The following BOD1L1 variants were observed in gnomAD, a reference collection of about 807,000 sequenced individuals.
BOD1L1 encodes the protein biorientation of chromosomes in cell division 1 like 1.
Under a neutral mutation model 240.7 loss-of-function variants are expected in BOD1L1, and 86 were observed. The ratio of observed to expected loss-of-function variants is 0.36; its 90% confidence interval spans 0.30 to 0.43. BOD1L1 has a LOEUF of 0.43. Ranked by LOEUF, BOD1L1 falls within the 20% of genes least tolerant of loss-of-function variation. The pLI is 1.00. For synonymous variants in BOD1L1, 1,268 were observed against 1,272.3 expected (o/e 1.00, Z 0.07); for missense variants, 3,554 against 3,643.5 (o/e 0.98, Z 0.63).
chr4:13,625,460 G>C (rs1717320401), intron 1 of BOD1L1: 1 of 152,110 alleles, frequency 6.6e-6, no homozygotes. Context: ...GAAGGGTCTG[G>C]CAGGGATATT....
intron 1 of BOD1L1, chr4:13,625,821 T>G (rs1215674761): frequency 1.3e-5 from 2 of 152,152 alleles, no homozygotes; most frequent in Non-Finnish European, 2.9e-5. Context: ...CACTCCCAAG[T>G]GAATTGAATT....
chr4:13,616,167 C>A (rs1476385362), intron 2 of BOD1L1, among the ~76,000 whole-genome samples: 1 of 152,144 alleles, frequency 6.6e-6, no homozygotes, highest in African/African-American at 2.4e-5. Context: ...TACAAATTGA[C>A]CTGGTCCCTG....
In BOD1L1 at chr4:13,602,637, A is replaced by T; in HGVS notation, c.4263T>A (p.Asn1421Lys). 1 of 1,614,006 alleles carries T rather than the reference A, an allele frequency of 6.2e-7. No homozygotes were observed. The highest frequency in any genetic ancestry group is 1.3e-5 in the African/African-American group (1 of 75,038). ...KKENDLNAEP[N>K]LKQTIKATVE... ...CTGTTGCTTTAATTGTCTGCTTTAA[A>T]TTGGGCTCTGCATTTAAGTCATTTT... The change falls in exon 10 of 26, where the codon AAT (asparagine) becomes AAA (lysine). Residue 1421 changes from asparagine to lysine, a missense_variant. Transcript: ENST00000040738.
At position 13,602,717 on chromosome 4, in the gene BOD1L1, C is replaced by T; in HGVS notation, c.4183G>A (p.Val1395Met). The T allele has an allele frequency of 6.2e-7, 1 of 1,614,030 alleles. No individual in the cohort carries two copies. Among genetic ancestry groups the T allele is most frequent in the Non-Finnish European group, 8.5e-7 (1 of 1,179,886 alleles). Reference protein sequence around the residue: ...PLGSKLTGVIVENENITKEGG... With the variant: ...PLGSKLTGVIMENENITKEGG... ...TCTTTGGTAATATTCTCATTTTCCA[C>T]AATCACGCCCGTTAACTTACTTCCA... Residue 1395 changes from valine (V) to methionine (M), a missense_variant, in exon 10 of 26, where the codon GTG becomes ATG. Coordinates refer to ENST00000040738, the MANE Select transcript of BOD1L1 (RefSeq NM_148894.3).
Position 13,602,998 on chromosome 4 carries a change from A to G in BOD1L1, c.3902T>C (p.Ile1301Thr). 8 of 1,614,024 alleles carry G rather than the reference A, an allele frequency of 5.0e-6. No homozygotes were observed. Among genetic ancestry groups the G allele is most frequent in the Non-Finnish European group, 6.8e-6 (8 of 1,179,884 alleles). ...PLRESYDPDV[I>T]PLFDKRTVLE... ...AACAGTTCTTTTGTCAAACAGAGGA[A>G]TTACATCTGGATCATACGATTCCCT... The change falls in exon 10 of 26, where the codon ATT becomes ACT. Residue 1301 changes from isoleucine (I) to threonine (T), a missense_variant. Coordinates refer to ENST00000040738, the MANE Select transcript of BOD1L1 (RefSeq NM_148894.3).
rs1380041228 is a variant in BOD1L1, at chr4:13,613,427, ACT to A, written c.1324+83_1324+84del. The A allele has an allele frequency of 7.8e-7, 1 of 1,281,162 alleles. No homozygotes were observed. Among genetic ancestry groups the A allele is most frequent in the East Asian group, 2.4e-5 (1 of 41,784 alleles). 79.4% of individuals were successfully genotyped at this position (1,281,162 alleles called of 1,614,324 possible). A position where few individuals can be genotyped will look rare whatever the true frequency, so the allele number is the denominator to read the frequency against. On this transcript the variant is annotated intron_variant, in intron 5 of 25. Coordinates refer to ENST00000040738, the MANE Select transcript of BOD1L1 (RefSeq NM_148894.3). The surrounding 1 kb of genome is among the most constrained non-coding windows in gnomAD (Gnocchi z 4.0). The stretch of plus-strand genomic sequence containing the variant: ...TCCCATGCTCTTGCTACTATACCAC[ACT>A]GTTTCTCAGGATATAGCCATCAGAA...
At chr4:13,611,178 G>C in intron 5 of BOD1L1, 78 bp from the exon 6 acceptor site, 2 of 1,062,270 alleles carry the variant, frequency 1.9e-6, no homozygotes, top group Non-Finnish European at 2.7e-6. Context: ...AAGCAGTAAA[G>C]GCAAGATGAA....
intron 12 of BOD1L1, among the ~76,000 whole-genome samples, 167 bp downstream of exon 12, chr4:13,595,693 G>A (rs1714563342): frequency 6.6e-6 from 1 of 152,182 alleles, no homozygotes; most frequent in Non-Finnish European, 1.5e-5. Flanking sequence ...AAAAGTGTAT[G>A]TTAAAAATAA....
Position 13,615,410 on chromosome 4 carries a change from G to C in BOD1L1, c.461C>G (p.Ala154Gly). Reference protein sequence around the residue: ...NHTFRPQVEKAVHEFLATLNH... With the variant: ...NHTFRPQVEKGVHEFLATLNH... ...TAGCGTGGCCAAAAACTCATGCACA[G>C]CTTTCTCTACCTGAGGTCTGAATGT... The change falls in exon 3 of 26, where the codon GCT becomes GGT. Residue 154 changes from alanine (A) to glycine (G), a missense_variant. Physicochemically the swap from Ala to Gly is moderately conservative, Grantham distance 60 (BLOSUM62 0). Coordinates refer to ENST00000040738, the MANE Select transcript of BOD1L1 (RefSeq NM_148894.3). 1 of 1,613,834 alleles carries C rather than the reference G, an allele frequency of 6.2e-7. No individual in the cohort carries two copies. Among genetic ancestry groups the C allele is most frequent in the Non-Finnish European group, 8.5e-7 (1 of 1,179,782 alleles).
At chr4:13,612,534 G>T (rs1453515122) in intron 5 of BOD1L1, among the ~76,000 whole-genome samples, 1 of 152,132 alleles carries the variant, frequency 6.6e-6, no homozygotes, top group Non-Finnish European at 1.5e-5. Context: ...GAGGACTATA[G>T]GAGTTATTAC....
In BOD1L1 at chr4:13,613,764, C is replaced by T. The variant is rs187767915; in HGVS notation, c.1175-103G>A. 22 of 899,114 alleles carry T rather than the reference C, an allele frequency of 2.4e-5. No homozygotes were observed. The highest frequency in any genetic ancestry group is 1.5e-4 in the East Asian group (5 of 34,376). The allele number at this position is 899,114 out of a possible 1,614,324, so 55.7% of individuals were successfully genotyped here. ...CACTTAAAATTTTCTGCTTTAAATACGTGTCAAACTATCAAACAAGGCAGA... is the reference window on the plus strand; with the variant it reads ...CACTTAAAATTTTCTGCTTTAAATATGTGTCAAACTATCAAACAAGGCAGA... On this transcript the variant is annotated intron_variant, in intron 4 of 25. Coordinates refer to ENST00000040738, the MANE Select transcript of BOD1L1 (RefSeq NM_148894.3). This position sits in a 1 kb window ranked among gnomAD's most constrained non-coding sequence, Gnocchi z 4.0.
At position 13,601,972 on chromosome 4, in the gene BOD1L1, T is replaced by C. The variant is rs200102102; in HGVS notation, c.4928A>G (p.Asn1643Ser). Residue 1643 changes from asparagine (N) to serine (S), a missense_variant, in exon 10 of 26, where the codon AAT becomes AGT. Asn to Ser is a conservative substitution (Grantham distance 46, BLOSUM62 1). Coordinates refer to ENST00000040738, the MANE Select transcript of BOD1L1 (RefSeq NM_148894.3). ...VHAVKIEANV[N>S]SVVTEEKDDA... is the part of the protein sequence containing the mutation. ...ATCCTTTTCCTCTGTCACAACGCTATTTACATTGGCTTCGATTTTAACTGC... is the reference window on the plus strand; with the variant it reads ...ATCCTTTTCCTCTGTCACAACGCTACTTACATTGGCTTCGATTTTAACTGC... 1.1e-5 allele frequency: 17 copies of C among 1,614,016 alleles called. No homozygotes were observed. The highest frequency in any genetic ancestry group is 1.4e-5 in the Non-Finnish European group (17 of 1,179,890).
intron 12 of BOD1L1, among the ~76,000 whole-genome samples, chr4:13,594,843 C>A (rs368848579): frequency 4.6e-5 from 7 of 152,166 alleles, no homozygotes; most frequent in African/African-American, 9.6e-5. Context: ...TGCAGTGAGC[C>A]GAGATCACGC....
chr4:13,615,637 T>C, intron 2 of BOD1L1, 135 bp from the exon 3 acceptor site: 1 of 836,228 alleles, frequency 1.2e-6, no homozygotes, highest in Non-Finnish European at 1.8e-6. Context: ...TCCATTTACT[T>C]GGATATAGAC....
chr4:13,586,853 A>C (rs1560186325), intron 16 of BOD1L1, among the ~76,000 whole-genome samples: 1 of 152,180 alleles, frequency 6.6e-6, no homozygotes, highest in Admixed American at 6.5e-5. Flanking sequence ...GTGAAGATAA[A>C]GTCGTAATTT....
chr4:13,587,445 T>G (rs1713795541), intron 16 of BOD1L1, among the ~76,000 whole-genome samples: 1 of 152,058 alleles, frequency 6.6e-6, no homozygotes, highest in Non-Finnish European at 1.5e-5. Context: ...GGCTCCAGGG[T>G]GTGGTTCCAG....
Position 13,613,279 on chromosome 4 carries a change from ATAC to A in BOD1L1, c.1324+230_1324+232del, listed in dbSNP as rs763213380. On this transcript the variant is annotated intron_variant, in intron 5 of 25. Coordinates refer to ENST00000040738, the MANE Select transcript of BOD1L1 (RefSeq NM_148894.3). This position sits in a 1 kb window ranked among gnomAD's most constrained non-coding sequence, Gnocchi z 4.0. ...TCCTCTAAATTTTAAATTAATAATA[ATAC>A]TAGGGGATAGAGTTAAGGAATGAAG... Among the ~76,000 whole-genome samples, 1 of 152,182 alleles carries A rather than the reference ATAC, an allele frequency of 6.6e-6. No homozygotes were observed.
rs1200342426 is a variant in BOD1L1, at chr4:13,604,522, T to C, written c.2378A>G (p.His793Arg). ...TACTGATAATTTCCTTTCATTCCTATGTTTACTTTTTCGTTCGGTTTTATC... is the reference window on the plus strand; with the variant it reads ...TACTGATAATTTCCTTTCATTCCTACGTTTACTTTTTCGTTCGGTTTTATC... ...SDDKTERKSK[H>R]RNERKLSVLG... Residue 793 changes from histidine to arginine, a missense_variant, in exon 10 of 26, where the codon CAT (histidine) becomes CGT (arginine). Physicochemically the swap from His to Arg is conservative, Grantham distance 29. Transcript: ENST00000040738. The C allele has an allele frequency of 2.6e-6, 4 of 1,533,904 alleles. No homozygotes were observed. In the South Asian group the frequency reaches 3.9e-5, roughly 15 times the overall value.
chr4:13,615,603 C>T, intron 2 of BOD1L1, 101 bp from the exon 3 acceptor site: 2 of 1,113,716 alleles, frequency 1.8e-6, no homozygotes, highest in Non-Finnish European at 2.5e-6. Flanking sequence ...ATCTATCCAT[C>T]CATCCAACCT....
Sources: gnomAD v4.1 joint callset for allele counts (sites outside exome capture counted in the v4.1 genomes callset) on GRCh38, gnomAD v4.1.1 for gene constraint, Gnocchi (gnomAD v3.1) non-coding constraint, MANE v1.5 for transcripts, NCBI Gene and HGNC (gene_info 2026-07-23, HGNC 2026-07-21) for gene names.